RGS6: variants seen among roughly 807,000 people sequenced by gnomAD.
RGS6 encodes the protein regulator of G-protein signaling 6.
In RGS6, 30 loss-of-function variants were observed where a neutral mutation model predicts 78.5. The ratio of observed to expected loss-of-function variants is 0.38; its 90% CI spans 0.29 to 0.52. The LOEUF (loss-of-function observed/expected upper bound fraction) is 0.52. Among genes scored for constraint, RGS6 ranks in the 20% least tolerant of loss-of-function variants. RGS6 has a pLI of 0.85. For missense variants in RGS6, 495 were observed against 609.7 expected, an observed-to-expected ratio of 0.81 and a Z score of 1.98; for synonymous variants, 206 against 206.0, an observed-to-expected ratio of 1.00 and a Z score of 0.00.
chr14:72,349,764 C>A (rs765292995), intron 2 of RGS6, among the ~76,000 whole-genome samples: 23 of 152,150 alleles, frequency 1.5e-4, no homozygotes, highest in Non-Finnish European at 2.6e-4. Context: ...ACAAAGAAGT[C>A]ACAGAACCAA....
At chr14:72,351,745 C>T (rs1403755487) in intron 2 of RGS6, among the ~76,000 whole-genome samples, 1 of 152,114 alleles carries the variant, frequency 6.6e-6, no homozygotes, top group Admixed American at 6.5e-5. Flanking sequence ...TATGGTTCAA[C>T]CTATATGTAA....
chr14:72,032,764 A>G (rs921591468), intron 2 of RGS6, among the ~76,000 whole-genome samples: 1 of 152,134 alleles, frequency 6.6e-6, no homozygotes, highest in African/African-American at 2.4e-5. Context: ...GTTCATCTAT[A>G]TTGTAGCTTA....
chr14:72,069,787 G>A (rs1001325920), intron 2 of RGS6, among the ~76,000 whole-genome samples: 4 of 152,148 alleles, frequency 2.6e-5, no homozygotes, highest in East Asian at 1.9e-4. Context: ...CAATCTGCCC[G>A]CCTTGGCCTC....
At chr14:72,014,386 T>C (rs1406984512) in intron 2 of RGS6, among the ~76,000 whole-genome samples, 1 of 152,224 alleles carries the variant, frequency 6.6e-6, no homozygotes, top group East Asian at 1.9e-4. Context: ...TCCGGAATCC[T>C]TTAAAAATTA....
At chr14:71,875,348 C>A in the RGS6 span, among the ~76,000 whole-genome samples, 1 of 152,102 alleles carries the variant, frequency 6.6e-6, no homozygotes, top group Non-Finnish European at 1.5e-5. Context: ...TTCAGGGATT[C>A]AATTTCTTCC....
At chr14:72,153,776 A>G (rs2096728914) in intron 2 of RGS6, among the ~76,000 whole-genome samples, 1 of 152,190 alleles carries the variant, frequency 6.6e-6, no homozygotes, top group Admixed American at 6.5e-5. Context: ...AGGTAGAACA[A>G]AGATCATATG....
intron 2 of RGS6, among the ~76,000 whole-genome samples, chr14:72,252,725 G>A (rs2056111758): frequency 6.6e-6 from 1 of 152,162 alleles, no homozygotes; most frequent in Non-Finnish European, 1.5e-5. Context: ...TCATGATGGG[G>A]GGAGGGGTGA....
chr14:72,154,209 A>G (rs2096736519), intron 2 of RGS6, among the ~76,000 whole-genome samples: 1 of 152,136 alleles, frequency 6.6e-6, no homozygotes, highest in Admixed American at 6.5e-5. Context: ...GTCAGACCTT[A>G]TGGTTGTCTT....
chr14:72,214,959 G>A (rs1426501860), intron 2 of RGS6, among the ~76,000 whole-genome samples: 2 of 152,188 alleles, frequency 1.3e-5, no homozygotes, highest in Admixed American at 6.5e-5. Context: ...AAATTTACCT[G>A]ACTTGTAAGT....
At chr14:72,195,285 T>C (rs1013889087) in intron 2 of RGS6, among the ~76,000 whole-genome samples, 8 of 152,168 alleles carry the variant, frequency 5.3e-5, no homozygotes, top group African/African-American at 1.9e-4. Context: ...CAAGCTGTTG[T>C]CATACTTGAG....
At chr14:72,371,625 G>A (rs564553756) in intron 3 of RGS6, among the ~76,000 whole-genome samples, 8 of 152,270 alleles carry the variant, frequency 5.3e-5, no homozygotes, top group Admixed American at 2.0e-4. Flanking sequence ...GCCAGTCATG[G>A]TGGCGCATGC....
intron 2 of RGS6, among the ~76,000 whole-genome samples, chr14:72,101,582 C>T (rs988908430): frequency 1.3e-5 from 2 of 152,170 alleles, no homozygotes; most frequent in East Asian, 3.9e-4. Flanking sequence ...CTATTATCCT[C>T]TCATGTTTCT....
chr14:71,955,101 G>T (rs1365468748), intron 1 of RGS6, among the ~76,000 whole-genome samples: 2 of 152,152 alleles, frequency 1.3e-5, no homozygotes, highest in Non-Finnish European at 2.9e-5. Flanking sequence ...TGAGCTGTAG[G>T]TGCTAGAGGC....
the RGS6 span, among the ~76,000 whole-genome samples, chr14:71,893,142 G>T: frequency 7.9e-5 from 12 of 152,214 alleles, no homozygotes; most frequent in African/African-American, 2.9e-4. Context: ...TAAAGGGATG[G>T]CTAGGTAGCA....
chr14:71,877,669 C>T, the RGS6 span, among the ~76,000 whole-genome samples: 1 of 152,208 alleles, frequency 6.6e-6, no homozygotes, highest in African/African-American at 2.4e-5. Flanking sequence ...TTGTCTCAAG[C>T]CTTCTTCTCT....
At position 72,132,329 on chromosome 14, in the gene RGS6, C is replaced by T. The variant is rs188991719; in HGVS notation, c.84+167454C>T. ...TCTCACTCTGTTGCCCAGGCTGGAG[C>T]GCAGTGACATGATCTCGGCTCACTG... On this transcript the variant is annotated intron_variant, in intron 2 of 17. Coordinates refer to ENST00000553525, the MANE Select transcript of RGS6 (RefSeq NM_001204424.2). Among the ~76,000 whole-genome samples the T allele has an allele frequency of 2.0e-4, 30 of 149,694 alleles. No individual in the cohort carries two copies. In the East Asian group the frequency reaches 2.2e-3, roughly 11 times the overall value.
intron 2 of RGS6, among the ~76,000 whole-genome samples, chr14:72,096,601 G>A (rs780982451): frequency 3.3e-4 from 50 of 152,298 alleles, no homozygotes; most frequent in South Asian, 6.2e-4. Flanking sequence ...GCTCAGCCGG[G>A]TGGTTCTCAC....
chr14:72,586,416 C>T, the RGS6 span, among the ~76,000 whole-genome samples: 5 of 152,196 alleles, frequency 3.3e-5, no homozygotes, highest in Non-Finnish European at 5.9e-5. Context: ...TCCTCTCCTT[C>T]CCCTTCCACC....
rs114148497 is a variant in RGS6 at position 72,194,796 on chromosome 14, G to A, written c.85-157299G>A. Among the ~76,000 whole-genome samples, 421 of 152,326 alleles carry A rather than the reference G, an allele frequency of 2.8e-3. 1 individual carries two copies. The highest frequency in any genetic ancestry group is 9.8e-3 in the African/African-American group (408 of 41,560). On this transcript the variant is annotated intron_variant, in intron 2 of 17. Transcript: ENST00000553525. ...AGAAGAGGGACCCTGGGGCAGGGGA[G>A]CAGCTGCAATTTTAACTAGGGCAAC...
Sources: allele counts gnomAD v4.1 joint callset (sites outside exome capture counted in the v4.1 genomes callset), GRCh38; gene constraint gnomAD v4.1.1; transcripts MANE v1.5; gene names NCBI Gene and HGNC (gene_info 2026-07-23, HGNC 2026-07-21).